RNF216: variants seen among roughly 807,000 people sequenced by gnomAD.
RNF216 encodes E3 ubiquitin-protein ligase RNF216.
In RNF216, 72 loss-of-function variants were observed where a neutral mutation model predicts 110.8. The observed-to-expected ratio is 0.65, with a 90% CI of 0.54 to 0.79. RNF216 has a LOEUF of 0.79. Among genes scored for constraint, RNF216 ranks in the 30% least tolerant of loss-of-function variants. RNF216 has a pLI of 0.00. For missense variants in RNF216, 1,342 were observed against 1,141.2 expected, an observed-to-expected ratio of 1.18 and a Z score of -2.54; for synonymous variants, 495 against 407.5, an observed-to-expected ratio of 1.21 and a Z score of -2.59.
At chr7:5,662,166 C>G (rs1372790890) in intron 13 of RNF216, among the ~76,000 whole-genome samples, 3 of 152,118 alleles carry the variant, frequency 2.0e-5, no homozygotes, top group Non-Finnish European at 4.4e-5. Flanking sequence ...CAGTAAGAGG[C>G]AGGATGGGAT....
intron 8 of RNF216, among the ~76,000 whole-genome samples, chr7:5,721,632 C>T (rs1332668951): frequency 6.6e-6 from 1 of 152,184 alleles, no homozygotes; most frequent in East Asian, 1.9e-4. Context: ...AGTGGTTGTA[C>T]CAGTTTACAC....
At chr7:5,665,050 G>A (rs771046250) in intron 13 of RNF216, among the ~76,000 whole-genome samples, 3 of 152,102 alleles carry the variant, frequency 2.0e-5, no homozygotes, top group East Asian at 1.9e-4. Context: ...TGCCCGCCTC[G>A]GCCTCCCAAA....
At chr7:5,693,957 T>C (rs756181615) in intron 13 of RNF216, among the ~76,000 whole-genome samples, 17 of 152,134 alleles carry the variant, frequency 1.1e-4, no homozygotes, top group Admixed American at 7.9e-4. Context: ...CTTGCTGTTG[T>C]TGACCAAAAA....
intron 1 of RNF216, among the ~76,000 whole-genome samples, chr7:5,765,774 C>A (rs1796172341): frequency 7.6e-6 from 1 of 131,184 alleles, no homozygotes; most frequent in South Asian, 2.5e-4. Context: ...GAAACCCCGT[C>A]TCTACTAAAA....
intron 13 of RNF216, among the ~76,000 whole-genome samples, chr7:5,700,609 A>C (rs564550662): frequency 1.3e-5 from 2 of 152,338 alleles, no homozygotes; most frequent in Middle Eastern, 3.4e-3. Flanking sequence ...TAACTAGTAC[A>C]CAAAACCACA....
chr7:5,694,842 T>C (rs1346243540), intron 13 of RNF216, among the ~76,000 whole-genome samples: 1 of 152,226 alleles, frequency 6.6e-6, no homozygotes, highest in Non-Finnish European at 1.5e-5. Flanking sequence ...AGCTAAGCAT[T>C]TGTCTACTAA....
chr7:5,697,493 G>T (rs1791702569), intron 13 of RNF216, among the ~76,000 whole-genome samples: 1 of 152,192 alleles, frequency 6.6e-6, no homozygotes, highest in South Asian at 2.1e-4. Context: ...CAAGGTGAGG[G>T]GCCAAACCCT....
At chr7:5,752,244 A>C (rs1210520947) in intron 3 of RNF216, among the ~76,000 whole-genome samples, 5 of 152,168 alleles carry the variant, frequency 3.3e-5, no homozygotes, top group Admixed American at 6.6e-5. Context: ...AAAGCAACAG[A>C]AAATATAAAA....
chr7:5,687,612 G>C (rs1412320225), intron 13 of RNF216, among the ~76,000 whole-genome samples: 1 of 152,080 alleles, frequency 6.6e-6, no homozygotes, highest in Non-Finnish European at 1.5e-5. Flanking sequence ...CCTGCCCCTT[G>C]TGAAATCCTG....
intron 9 of RNF216, among the ~76,000 whole-genome samples, chr7:5,719,543 G>A (rs1479657299): frequency 6.6e-6 from 1 of 152,188 alleles, no homozygotes; most frequent in East Asian, 1.9e-4. Context: ...GCAGCCAATA[G>A]TCAGAGATGG....
At chr7:5,644,696 G>A (rs1246656382) in intron 14 of RNF216, among the ~76,000 whole-genome samples, 1 of 151,856 alleles carries the variant, frequency 6.6e-6, no homozygotes, top group Non-Finnish European at 1.5e-5. Context: ...GTAGAGACTG[G>A]GTTTCACCAT....
chr7:5,635,380 G>C (rs910952840), intron 15 of RNF216, among the ~76,000 whole-genome samples: 1 of 151,794 alleles, frequency 6.6e-6, no homozygotes, highest in Admixed American at 6.6e-5. Flanking sequence ...TGGGTGATGG[G>C]ACAATCTGGG....
At chr7:5,729,297 T>C in intron 7 of RNF216, 135 bp downstream of exon 7, 1 of 772,414 alleles carries the variant, frequency 1.3e-6, no homozygotes, top group Non-Finnish European at 2.2e-6. Flanking sequence ...AATACCCATC[T>C]ATTTATCTTC....
At chr7:5,716,272 G>A (rs538022560) in intron 10 of RNF216, among the ~76,000 whole-genome samples, 1 of 152,144 alleles carries the variant, frequency 6.6e-6, no homozygotes, top group African/African-American at 2.4e-5. Context: ...CACTTTGGGA[G>A]GTTGAGATGG....
Position 5,712,876 on chromosome 7 carries a change from GA to G in RNF216, c.1834-14del. 1 of 1,588,468 alleles carries G rather than the reference GA, an allele frequency of 6.3e-7. No individual in the cohort carries two copies. Among genetic ancestry groups the G allele is most frequent in the Middle Eastern group, 1.7e-4 (1 of 5,932 alleles). ...AGCTGAGCTCCAACTAGAAAAAGGC[GA>G]AAAGGCAAAGAAAAAAAAATCAATA... On this transcript the variant is annotated splice_polypyrimidine_tract_variant and intron_variant, in intron 11 of 16. Transcript: ENST00000389902.
At position 5,637,371 on chromosome 7, in the gene RNF216, G is replaced by A. The variant is rs77230950; in HGVS notation, c.2382+3783C>T. Among the ~76,000 whole-genome samples, 176 of 152,316 alleles carry A rather than the reference G, an allele frequency of 1.2e-3. 4 individuals are homozygous for A. In the East Asian group the frequency reaches 0.031, roughly 27 times the overall value. ...AGTGACAGGAGGGCAGGCTAGCTAA[G>A]GGTTTCACTGGGTCATAAGCTTTGT... On this transcript the variant is annotated intron_variant, in intron 15 of 16. Transcript: ENST00000389902.
At chr7:5,631,861 T>C (rs1787091627) in intron 15 of RNF216, among the ~76,000 whole-genome samples, 1 of 152,190 alleles carries the variant, frequency 6.6e-6, no homozygotes, top group African/African-American at 2.4e-5. Flanking sequence ...TCAGATTCCA[T>C]TGTAGAAGGT....
chr7:5,714,979 TTATC>T, intron 11 of RNF216, 70 bp downstream of exon 11: 3 of 1,418,106 alleles, frequency 2.1e-6, no homozygotes, highest in Non-Finnish European at 2.9e-6. Flanking sequence ...GCACTTACAC[TTATC>T]TATCAACATG....
chr7:5,764,884 T>G (rs1014821160), intron 1 of RNF216, among the ~76,000 whole-genome samples: 2 of 151,690 alleles, frequency 1.3e-5, no homozygotes, highest in Non-Finnish European at 2.9e-5. Context: ...CTGAGCAAAC[T>G]TGGTGAGACC....
Sources: gnomAD v4.1 joint callset for allele counts (sites outside exome capture counted in the v4.1 genomes callset) on GRCh38, gnomAD v4.1.1 for gene constraint, MANE v1.5 for transcripts, NCBI Gene and HGNC (gene_info 2026-07-23, HGNC 2026-07-21) for gene names.